Variants in ZC3H4 observed in about 807,000 individuals in gnomAD.
The protein encoded by ZC3H4 is zinc finger CCCH domain-containing protein 4.
In ZC3H4, 13 loss-of-function variants were observed where a neutral mutation model predicts 108.3. The observed-to-expected ratio is 0.12, with a 90% confidence interval of 0.08 to 0.19. The LOEUF is 0.19. Among genes scored for constraint, ZC3H4 ranks in the 10% least tolerant of loss-of-function variants. The pLI, the probability that ZC3H4 is intolerant of heterozygous loss-of-function variation, is 1.00. For synonymous variants in ZC3H4, 917 were observed against 749.6 expected, an observed-to-expected ratio of 1.22 and a Z score of -3.65; for missense variants, 1,734 against 1,838.8, an observed-to-expected ratio of 0.94 and a Z score of 1.04.
rs1272862773 is a variant in ZC3H4, at chr19:47,073,760, C to T, written c.1441-1047G>A. ...GCAGCCACTCTGCTTTCCGTCTCTGCGGACCTGCCCCTGCTGGACAGCTCC... is the reference window on the plus strand; with the variant it reads ...GCAGCCACTCTGCTTTCCGTCTCTGTGGACCTGCCCCTGCTGGACAGCTCC... On this transcript the variant is annotated intron_variant, in intron 11 of 14. Transcript: ENST00000253048. Among the ~76,000 whole-genome samples the T allele has an allele frequency of 5.9e-5, 9 of 152,368 alleles. No homozygotes were observed. In the East Asian group the frequency reaches 1.3e-3, roughly 23 times the overall value.
intron 2 of ZC3H4, 159 bp downstream of exon 2, chr19:47,112,265 C>T (rs543884387): frequency 1.8e-6 from 2 of 1,133,982 alleles, no homozygotes; most frequent in Admixed American, 4.3e-5. Flanking sequence ...AAAGAGCGAG[C>T]GAGCAAGCGA....
chr19:47,087,713 A>G (rs2057655897), intron 5 of ZC3H4, among the ~76,000 whole-genome samples: 1 of 151,976 alleles, frequency 6.6e-6, no homozygotes, highest in Non-Finnish European at 1.5e-5. Flanking sequence ...ACCCATCTCT[A>G]CTAAAAATAA....
At chr19:47,070,803 C>T (rs2057312021) in intron 13 of ZC3H4, among the ~76,000 whole-genome samples, 1 of 152,202 alleles carries the variant, frequency 6.6e-6, no homozygotes, top group Non-Finnish European at 1.5e-5. Flanking sequence ...AGTGACTATG[C>T]CGCACGTCCA....
chr19:47,111,766 C>A (rs1194565818), intron 2 of ZC3H4, among the ~76,000 whole-genome samples: 1 of 151,294 alleles, frequency 6.6e-6, no homozygotes, highest in East Asian at 1.9e-4. Flanking sequence ...CTATAGAGCA[C>A]CCACCCAAAT....
chr19:47,071,977 G>A lies in ZC3H4; in HGVS notation c.1947C>T (p.His649=), dbSNP rs768332398. Residue 649 remains histidine (H), a synonymous_variant, in exon 13 of 15, where the codon CAC becomes CAT. Transcript: ENST00000253048. ...DMHPDMHADM[H]ADMPMGPGMN... ...TGCCAGGGCCCATCGGCATGTCTGC[G>A]TGCATGTCTGCGTGCATGTCAGGGT... 4.8e-5 allele frequency: 75 copies of A among 1,573,166 alleles called. No individual in the cohort carries two copies. The highest frequency in any genetic ancestry group is 1.7e-4 in the Middle Eastern group (1 of 6,020).
Position 47,067,132 on chromosome 19 carries a change from G to A in ZC3H4, c.3136C>T (p.Leu1046=), listed in dbSNP as rs2057224106. ...TTGACTGTCTTGAGGATGCGAGACA[G>A]AAGTTCAAAGTCGGGGAGGTTGGCG... The part of the protein sequence containing the change: ...QGANLPDFEL[L]SRILKTVNAT... The change falls in exon 15 of 15, where the codon CTG becomes TTG. Residue 1046 remains leucine, a synonymous_variant. Transcript: ENST00000253048. This position sits in a 1 kb window ranked among gnomAD's most constrained non-coding sequence, Gnocchi z 6.4. 2 of 1,611,976 alleles carry A rather than the reference G, an allele frequency of 1.2e-6. No homozygotes were observed. Among genetic ancestry groups the A allele is most frequent in the African/African-American group, 1.3e-5 (1 of 74,896 alleles).
At chr19:47,100,889 G>C (rs2057895500) in intron 2 of ZC3H4, among the ~76,000 whole-genome samples, 1 of 151,948 alleles carries the variant, frequency 6.6e-6, no homozygotes, top group African/African-American at 2.4e-5. Flanking sequence ...GTAGAAACAG[G>C]GTTTCGCCAT....
In ZC3H4 at chr19:47,067,660, G is replaced by T; in HGVS notation, c.2608C>A (p.Leu870Ile). The part of the protein sequence containing the change: ...ADPRLSRDPR[L>I]TRHVEASGGS... ...CCAGAAGCCTCCACATGGCGGGTGA[G>T]TCTGGGGTCCCGGCTGAGGCGAGGG... Residue 870 changes from leucine to isoleucine, a missense_variant, in exon 15 of 15, where the codon CTC (leucine) becomes ATC (isoleucine). Coordinates refer to ENST00000253048, the MANE Select transcript of ZC3H4 (RefSeq NM_015168.2). This position sits in a 1 kb window ranked among gnomAD's most constrained non-coding sequence, Gnocchi z 6.4. The T allele has an allele frequency of 6.2e-7, 1 of 1,602,536 alleles. No homozygotes were observed.
intron 5 of ZC3H4, among the ~76,000 whole-genome samples, chr19:47,087,437 T>TAAA (rs34358015): frequency 1.3e-5 from 2 of 148,556 alleles, no homozygotes; most frequent in Non-Finnish European, 1.5e-5. Context: ...TTTCTTCACT[T>TAAA]AAAAAAAAAA....
Position 47,071,988 on chromosome 19 carries a change from CGTGCATGTCAGGGTGCATGTCCGG to C in ZC3H4, c.1912_1935del (p.Pro638_His645del), listed in dbSNP as rs749127335. On this transcript the variant is annotated inframe_deletion, in exon 13 of 15. Coordinates refer to ENST00000253048, the MANE Select transcript of ZC3H4 (RefSeq NM_015168.2). ...ATCGGCATGTCTGCGTGCATGTCTG[CGTGCATGTCAGGGTGCATGTCCGG>C]GTGCATGTCGGGGTGCATGTCAGGA... 20 of 1,579,274 alleles carry C rather than the reference CGTGCATGTCAGGGTGCATGTCCGG, an allele frequency of 1.3e-5. No individual in the cohort carries two copies. The highest frequency in any genetic ancestry group is 5.6e-5 in the South Asian group (5 of 90,056).
Position 47,069,051 on chromosome 19 carries a change from G to A in ZC3H4, c.2398+41C>T, listed in dbSNP as rs761891160. ...CACCACCGCCGCTCCCCTGCACAGCGGCCTGGGGCCTGTGCCCCGGCCCCT... is the reference window on the plus strand; with the variant it reads ...CACCACCGCCGCTCCCCTGCACAGCAGCCTGGGGCCTGTGCCCCGGCCCCT... On this transcript the variant is annotated intron_variant, in intron 14 of 14. Coordinates refer to ENST00000253048, the MANE Select transcript of ZC3H4 (RefSeq NM_015168.2). 1.2e-4 allele frequency: 190 copies of A among 1,600,624 alleles called. 3 individuals are homozygous for A. The South Asian group carries it at 1.4e-3, about 12-fold the overall frequency.
chr19:47,081,206 GCTCT>G (rs2057516082), intron 11 of ZC3H4, among the ~76,000 whole-genome samples: 1 of 152,188 alleles, frequency 6.6e-6, no homozygotes, highest in Non-Finnish European at 1.5e-5. Context: ...TGTATTGTGA[GCTCT>G]CTCTAAATGA....
Position 47,090,049 on chromosome 19 carries a change from GTCC to G in ZC3H4, c.630_632del (p.Glu210del), listed in dbSNP as rs776636618. 7 of 1,614,084 alleles carry G rather than the reference GTCC, an allele frequency of 4.3e-6. No homozygotes were observed. The South Asian group carries it at 4.4e-5, about 10-fold the overall frequency. ...AGTCGTCATAGTCCTCCTTGCCCAT[GTCC>G]TCCTCCTCGTCGCCCTCATATTCCC... On this transcript the variant is annotated inframe_deletion, in exon 5 of 15. Coordinates refer to ENST00000253048, the MANE Select transcript of ZC3H4 (RefSeq NM_015168.2).
At chr19:47,084,962 G>A (rs1350962623) in intron 8 of ZC3H4, 94 bp downstream of exon 8, 2 of 1,536,330 alleles carry the variant, frequency 1.3e-6, no homozygotes, top group Non-Finnish European at 1.8e-6. Context: ...GCTGATGGCA[G>A]CAAGGATCAG....
chr19:47,069,180 G>T lies in ZC3H4; in HGVS notation c.2310C>A (p.Tyr770Ter). 6.2e-7 allele frequency: 1 copy of T among 1,610,318 alleles called. No individual in the cohort carries two copies. Residue 770 changes from tyrosine (Y) to a stop codon, truncating the protein, a stop_gained, in exon 14 of 15, where the codon TAC becomes TAA. Coordinates refer to ENST00000253048, the MANE Select transcript of ZC3H4 (RefSeq NM_015168.2). LOFTEE classifies it high-confidence loss of function. Reference sequence around the variant, plus strand: ...CCTGCTGCTTCTGCTGGATCCTCAGGTACAGGGCCCTCTGGGCTGAGGGCA... The same window carrying T: ...CCTGCTGCTTCTGCTGGATCCTCAGTTACAGGGCCCTCTGGGCTGAGGGCA... ...DFLPSAQRAL[Y>*]LRIQQKQQEE...
At chr19:47,094,971 C>T (rs766030909) in intron 2 of ZC3H4, among the ~76,000 whole-genome samples, 7 of 152,228 alleles carry the variant, frequency 4.6e-5, no homozygotes, top group Non-Finnish European at 1.0e-4. Context: ...TAATGCTTAA[C>T]GCTGCACAAC....
intron 2 of ZC3H4, among the ~76,000 whole-genome samples, chr19:47,094,997 T>C (rs944768730): frequency 2.6e-5 from 4 of 152,204 alleles, no homozygotes; most frequent in African/African-American, 9.6e-5. Context: ...GGAAGCCCCA[T>C]AGTCCAGAAA....
rs191418100 is a variant in ZC3H4 at position 47,088,976 on chromosome 19, G to A, written c.715+991C>T. On this transcript the variant is annotated intron_variant, in intron 5 of 14. Transcript: ENST00000253048. Reference sequence around the variant, plus strand: ...TAATCCCAGCACTTTGGGAGGCCGAGGTGGGCAGATCACGAGGTCACGAGA... The same window carrying A: ...TAATCCCAGCACTTTGGGAGGCCGAAGTGGGCAGATCACGAGGTCACGAGA... Among the ~76,000 whole-genome samples, 160 of 152,112 alleles carry A rather than the reference G, an allele frequency of 1.1e-3. 1 individual carries two copies. The highest frequency in any genetic ancestry group is 3.7e-3 in the African/African-American group (153 of 41,510).
At chr19:47,110,141 A>C (rs2058019515) in intron 2 of ZC3H4, among the ~76,000 whole-genome samples, 1 of 152,192 alleles carries the variant, frequency 6.6e-6, no homozygotes, top group Non-Finnish European at 1.5e-5. Flanking sequence ...GCTCAATTTT[A>C]ACGTCCATCA....
Sources: allele counts gnomAD v4.1 joint callset (sites outside exome capture counted in the v4.1 genomes callset), GRCh38; gene constraint gnomAD v4.1.1; non-coding constraint Gnocchi (gnomAD v3.1); transcripts MANE v1.5; gene names NCBI Gene and HGNC (gene_info 2026-07-23, HGNC 2026-07-21).